The following TRDN variants were observed in gnomAD, a reference collection of about 807,000 sequenced individuals.
TRDN encodes triadin in skeletal muscle.
A neutral mutation model predicts 149.7 loss-of-function variants in TRDN; 161 were observed. The ratio of observed to expected loss-of-function variants is 1.08; its 90% CI spans 0.95 to 1.23. The LOEUF (loss-of-function observed/expected upper bound fraction) is 1.23, where lower values mean the gene tolerates loss of function less well. Among genes scored for constraint, TRDN ranks in the 50% most tolerant of loss-of-function variants. The pLI, the probability that TRDN is intolerant of heterozygous loss-of-function variation, is 0.00. For synonymous variants in TRDN, 294 were observed against 250.5 expected, an observed-to-expected ratio of 1.17 and a Z score of -1.64; for missense variants, 896 against 823.5, an observed-to-expected ratio of 1.09 and a Z score of -1.08.
chr6:123,492,138 A>G (rs1377025554), intron 9 of TRDN, among the ~76,000 whole-genome samples: 4 of 152,142 alleles, frequency 2.6e-5, no homozygotes, highest in Non-Finnish European at 5.9e-5. Context: ...ATCAGAGAAG[A>G]TTCTGATAGG....
At chr6:123,260,107 C>T (rs1219144676) in intron 34 of TRDN, among the ~76,000 whole-genome samples, 1 of 151,880 alleles carries the variant, frequency 6.6e-6, no homozygotes, top group Non-Finnish European at 1.5e-5. Flanking sequence ...CACTTCCTCC[C>T]CTTTTCTTTT....
chr6:123,378,128 G>A (rs1438249684), intron 16 of TRDN, among the ~76,000 whole-genome samples: 1 of 151,538 alleles, frequency 6.6e-6, no homozygotes, highest in Admixed American at 6.6e-5. Context: ...AATATTAGAG[G>A]AATTTGAATT....
chr6:123,225,556 A>C (rs1398084621), intron 38 of TRDN, among the ~76,000 whole-genome samples: 1 of 151,244 alleles, frequency 6.6e-6, no homozygotes, highest in Non-Finnish European at 1.5e-5. Context: ...ACACACACAC[A>C]GAATGGTGGT....
chr6:123,326,602 A>G (rs1033645326), intron 23 of TRDN, among the ~76,000 whole-genome samples: 16 of 151,992 alleles, frequency 1.1e-4, no homozygotes, highest in Non-Finnish European at 2.2e-4. Context: ...TGAATGTCCT[A>G]TACAAAACTT....
At chr6:123,615,892 A>C (rs542467151) in intron 1 of TRDN, among the ~76,000 whole-genome samples, 261 of 152,304 alleles carry the variant, frequency 1.7e-3, no homozygotes, top group African/African-American at 5.8e-3. Flanking sequence ...TAGCTAGAAT[A>C]ATGGATTTTG....
At chr6:123,241,779 T>C (rs1405817611) in intron 38 of TRDN, among the ~76,000 whole-genome samples, 2 of 152,062 alleles carry the variant, frequency 1.3e-5, no homozygotes, top group African/African-American at 2.4e-5. Flanking sequence ...ATCAAAATTG[T>C]ATCTCAAAGT....
At chr6:123,539,963 A>T (rs1780744184) in intron 4 of TRDN, among the ~76,000 whole-genome samples, 1 of 152,224 alleles carries the variant, frequency 6.6e-6, no homozygotes, top group Non-Finnish European at 1.5e-5. Flanking sequence ...ACAGATTGTT[A>T]TTTAGCAAAT....
intron 23 of TRDN, among the ~76,000 whole-genome samples, chr6:123,329,907 A>G (rs1002303838): frequency 6.6e-6 from 1 of 152,088 alleles, no homozygotes; most frequent in Non-Finnish European, 1.5e-5. Flanking sequence ...CTTACTAAAA[A>G]TTAGGAAGAA....
At chr6:123,501,143 G>C (rs569614168) in intron 8 of TRDN, among the ~76,000 whole-genome samples, 3 of 151,986 alleles carry the variant, frequency 2.0e-5, no homozygotes, top group South Asian at 4.1e-4. Context: ...GCTTTAAGCA[G>C]AAAAAGAGAT....
chr6:123,617,352 T>C (rs1203061523), intron 1 of TRDN, among the ~76,000 whole-genome samples: 1 of 152,168 alleles, frequency 6.6e-6, no homozygotes, highest in African/African-American at 2.4e-5. Context: ...ATAGAACAAG[T>C]CACAGTTTGT....
intron 38 of TRDN, among the ~76,000 whole-genome samples, chr6:123,236,312 T>C (rs1179307143): frequency 6.6e-6 from 1 of 152,228 alleles, no homozygotes; most frequent in Non-Finnish European, 1.5e-5. Context: ...ACATCCTCTT[T>C]GGTGAACTAT....
chr6:123,382,076 T>G (rs535456481), intron 15 of TRDN, 42 bp downstream of exon 15: 1 of 1,434,228 alleles, frequency 7.0e-7, no homozygotes, highest in African/African-American at 1.5e-5. Flanking sequence ...TGTTTCATGG[T>G]TCATCAAACA....
intron 1 of TRDN, among the ~76,000 whole-genome samples, chr6:123,601,251 A>G (rs951877829): frequency 5.3e-5 from 8 of 152,158 alleles, no homozygotes; most frequent in Admixed American, 2.6e-4. Flanking sequence ...AGGTAACAAA[A>G]TGTCCTGCAT....
At chr6:123,339,481 A>T (rs1295082795) in intron 21 of TRDN, among the ~76,000 whole-genome samples, 3 of 152,204 alleles carry the variant, frequency 2.0e-5, no homozygotes, top group Non-Finnish European at 4.4e-5. Flanking sequence ...TCATATGTCA[A>T]CAGGACGCCC....
intron 2 of TRDN, among the ~76,000 whole-genome samples, chr6:123,550,970 C>T (rs1359562125): frequency 1.3e-5 from 2 of 151,586 alleles, no homozygotes; most frequent in Non-Finnish European, 2.9e-5. Context: ...TTAAAAGAAT[C>T]ATATGTAAGG....
intron 9 of TRDN, among the ~76,000 whole-genome samples, chr6:123,478,341 C>T (rs895597553): frequency 9.2e-5 from 14 of 152,152 alleles, no homozygotes; most frequent in Non-Finnish European, 2.1e-4. Flanking sequence ...AGGCCCAGTA[C>T]TTAAAGACCA....
At chr6:123,453,600 A>G (rs1055271826) in intron 10 of TRDN, among the ~76,000 whole-genome samples, 1 of 151,612 alleles carries the variant, frequency 6.6e-6, no homozygotes, top group Non-Finnish European at 1.5e-5. Flanking sequence ...TAAAAAAAAT[A>G]AAAAAACAGT....
intron 2 of TRDN, among the ~76,000 whole-genome samples, chr6:123,553,226 C>T (rs1781483812): frequency 6.6e-6 from 1 of 152,090 alleles, no homozygotes; most frequent in Non-Finnish European, 1.5e-5. Context: ...CTCCCAAACT[C>T]TTCAAGTGCT....
intron 4 of TRDN, among the ~76,000 whole-genome samples, chr6:123,543,528 A>C (rs1484921079): frequency 3.3e-5 from 5 of 152,186 alleles, no homozygotes; most frequent in African/African-American, 4.8e-5. Context: ...CTCACTCAGA[A>C]ACCTAGGAGT....
Sources: allele counts gnomAD v4.1 joint callset (sites outside exome capture counted in the v4.1 genomes callset), GRCh38; gene constraint gnomAD v4.1.1; transcripts MANE v1.5; gene names NCBI Gene and HGNC (gene_info 2026-07-23, HGNC 2026-07-21).